Variants in CD70 observed in about 807,000 individuals in gnomAD.
CD70 encodes the protein CD70 molecule, also known as CD70 antigen.
Under a neutral mutation model 9.0 loss-of-function variants are expected in CD70, and 6 were observed. The ratio of observed to expected loss-of-function variants is 0.67; its 90% CI spans 0.37 to 1.32. CD70 has a LOEUF of 1.32. CD70 is among the 40% of genes most tolerant of loss of function. The probability of loss-of-function intolerance (pLI) is 0.02; values close to 1 mark genes in which losing one functional copy is unlikely to be tolerated. For synonymous variants in CD70, 108 were observed against 112.3 expected, an observed-to-expected ratio of 0.96 and a Z score of 0.24; for missense variants, 235 against 258.7, an observed-to-expected ratio of 0.91 and a Z score of 0.63.
chr19:6,587,195 A>G (rs1916042290), intron 2 of CD70, among the ~76,000 whole-genome samples: 1 of 136,138 alleles, frequency 7.3e-6, no homozygotes, highest in Non-Finnish European at 1.6e-5. Context: ...ATCATGAGGG[A>G]GAGAGAGCAT....
In CD70 at chr19:6,590,819, C is replaced by T. The variant is rs757627362; in HGVS notation, c.162+22G>A. On this transcript the variant is annotated intron_variant, in intron 1 of 2. Transcript: ENST00000245903. The surrounding 1 kb of genome is among the most constrained non-coding windows in gnomAD (Gnocchi z 5.3). ...CACGCGCCTCTCTATGTTTTCTTCC[C>T]AACTTTTCCATCTCAACTCACCCCA... 3.1e-6 allele frequency: 5 copies of T among 1,605,030 alleles called. No homozygotes were observed. The highest frequency in any genetic ancestry group is 4.3e-6 in the Non-Finnish European group (5 of 1,173,870).
chr19:6,586,248 C>G lies in CD70; in HGVS notation c.354G>C (p.Thr118=), dbSNP rs148252487. 3.1e-6 allele frequency: 5 copies of G among 1,613,888 alleles called. No individual in the cohort carries two copies. The African/African-American group carries it at 4.0e-5, about 13-fold the overall frequency. ...IQVTLAICSS[T]TASRHHPTTL... is the part of the protein sequence containing the mutation. ...TGGTGGGGTGGTGCCTGGAGGCCGT[C>G]GTGGAGGAGCAGATGGCCAGCGTCA... Residue 118 remains threonine, a synonymous_variant, in exon 3 of 3, where the codon ACG becomes ACC. Coordinates refer to ENST00000245903, the MANE Select transcript of CD70 (RefSeq NM_001252.5).
At chr19:6,583,997 C>T (rs567447158), downstream of CD70, among the ~76,000 whole-genome samples, 32 of 150,816 alleles carry the variant, frequency 2.1e-4, no homozygotes, top group Non-Finnish European at 2.8e-4. Context: ...TTTACCACGT[C>T]GGCCAGGCTG....
downstream of CD70, chr19:6,583,065 A>G (rs962243559): frequency 4.9e-5 from 18 of 366,224 alleles, no homozygotes; most frequent in Non-Finnish European, 8.4e-5. Context: ...CGGGTGGCGC[A>G]TGGGTCTCAT....
Position 6,590,167 on chromosome 19 carries a change from G to A in CD70, c.163-31C>T, listed in dbSNP as rs1568432475. On this transcript the variant is annotated intron_variant, in intron 1 of 2. Transcript: ENST00000245903. This position sits in a 1 kb window ranked among gnomAD's most constrained non-coding sequence, Gnocchi z 5.3. ...AGAAAAGACCAGAAAACAGGGCACG[G>A]ACGTAAGCAGAGAGGTTCTATGTGT... The A allele has an allele frequency of 6.2e-7, 1 of 1,605,708 alleles. No individual in the cohort carries two copies. The highest frequency in any genetic ancestry group is 2.2e-5 in the East Asian group (1 of 44,856).
Position 6,586,248 on chromosome 19 carries a change from C to T in CD70, c.354G>A (p.Thr118=), listed in dbSNP as rs148252487. 3.6e-5 allele frequency: 58 copies of T among 1,613,888 alleles called. No individual in the cohort carries two copies. In the Middle Eastern group the frequency reaches 8.3e-4, roughly 23 times the overall value. ...TGGTGGGGTGGTGCCTGGAGGCCGT[C>T]GTGGAGGAGCAGATGGCCAGCGTCA... ...IQVTLAICSS[T]TASRHHPTTL... The change falls in exon 3 of 3, where the codon ACG becomes ACA. Residue 118 remains threonine (T), a synonymous_variant. Transcript: ENST00000245903.
In CD70 at chr19:6,590,848, G is replaced by A. The variant is rs1334115062; in HGVS notation, c.155C>T (p.Ser52Leu). Residue 52 changes from serine to leucine, a missense_variant, in exon 1 of 3, where the codon TCA becomes TTA. Physicochemically the swap from Ser to Leu is moderately radical, Grantham distance 145. Coordinates refer to ENST00000245903, the MANE Select transcript of CD70 (RefSeq NM_001252.5). The surrounding 1 kb of genome is among the most constrained non-coding windows in gnomAD (Gnocchi z 5.3). ...AQAQQQLPLESLGWDVAELQL... is the reference protein window; with the variant it reads ...AQAQQQLPLELLGWDVAELQL... ...TTTTCCATCTCAACTCACCCCAAGT[G>A]ACTCGAGCGGCAGCTGCTGCTGAGC... 1 of 1,612,772 alleles carries A rather than the reference G, an allele frequency of 6.2e-7. No homozygotes were observed. Among genetic ancestry groups the A allele is most frequent in the Non-Finnish European group, 8.5e-7 (1 of 1,179,498 alleles).
chr19:6,584,745 G>A (rs1370543096), downstream of CD70, among the ~76,000 whole-genome samples: 4 of 151,354 alleles, frequency 2.6e-5, no homozygotes, highest in Non-Finnish European at 4.4e-5. Context: ...CTGTGCTGGC[G>A]GTCCTAGCTA....
At chr19:6,587,039 TGCGACAGAGAGCATGA>T (rs1916036579) in intron 2 of CD70, among the ~76,000 whole-genome samples, 1 of 114,186 alleles carries the variant, frequency 8.8e-6, no homozygotes, top group African/African-American at 3.5e-5. Context: ...CACGAGAGAG[TGCGACAGAGAGCATGA>T]GAGAGAGAGC....
chr19:6,585,755 A>G, downstream of CD70: 1 of 367,716 alleles, frequency 2.7e-6, no homozygotes. Flanking sequence ...GCTCACTGCA[A>G]CCTCCACCTC....
intron 2 of CD70, among the ~76,000 whole-genome samples, chr19:6,588,918 T>G (rs958160452): frequency 6.6e-6 from 1 of 152,200 alleles, no homozygotes; most frequent in African/African-American, 2.4e-5. Flanking sequence ...GCCTGCCCAC[T>G]GCAGATGTAT....
rs1311093787 is a variant in CD70 at position 6,585,908 on chromosome 19, AC to A, written c.*111del. On this transcript the variant is annotated 3_prime_UTR_variant, in exon 3 of 3. Transcript: ENST00000245903. ...TGCCTTCTCTTGTCCTGCCACCACT[AC>A]CCCCCACCACACTCCCACCCCAACC... 11 of 687,110 alleles carry A rather than the reference AC, an allele frequency of 1.6e-5. No homozygotes were observed. Among genetic ancestry groups the A allele is most frequent in the Admixed American group, 8.9e-5 (3 of 33,654 alleles). 42.6% of individuals were successfully genotyped at this position (687,110 alleles called of 1,614,324 possible). A position where few individuals can be genotyped will look rare whatever the true frequency, so the allele number is the denominator to read the frequency against.
chr19:6,584,641 G>T (rs1196830515), downstream of CD70, among the ~76,000 whole-genome samples: 1 of 146,352 alleles, frequency 6.8e-6, no homozygotes, highest in African/African-American at 2.5e-5. Context: ...GGGAAGATCG[G>T]CATTTCGGGA....
intron 2 of CD70, 41 bp from the exon 3 acceptor site, chr19:6,586,446 A>G (rs754416743): frequency 2.6e-6 from 4 of 1,546,218 alleles, no homozygotes; most frequent in Non-Finnish European, 3.5e-6. Context: ...ATGGAGGTTT[A>G]GGGAAACTGA....
Position 6,590,209 on chromosome 19 carries a change from T to C in CD70, c.163-73A>G. ...TCTATGTGTCCCCTGTGCCAGGAGC[T>C]CTCTTTTCTCTGTCCATCCTCCTTT... On this transcript the variant is annotated intron_variant, in intron 1 of 2. Transcript: ENST00000245903. This position sits in a 1 kb window ranked among gnomAD's most constrained non-coding sequence, Gnocchi z 5.3. The C allele has an allele frequency of 8.5e-7, 1 of 1,174,340 alleles. No individual in the cohort carries two copies. The highest frequency in any genetic ancestry group is 1.3e-6 in the Non-Finnish European group (1 of 778,330). The allele number at this position is 1,174,340 out of a possible 1,614,324, so 72.7% of individuals were successfully genotyped here.
At chr19:6,586,918 A>AC (rs1568431404) in intron 2 of CD70, among the ~76,000 whole-genome samples, 1 of 151,130 alleles carries the variant, frequency 6.6e-6, no homozygotes, top group Non-Finnish European at 1.5e-5. Context: ...AAAAAAAAAA[A>AC]AAAACAGAAA....
chr19:6,583,157 T>C (rs1192214097), downstream of CD70: 2 of 461,558 alleles, frequency 4.3e-6, no homozygotes, highest in African/African-American at 4.0e-5. Flanking sequence ...AGATGCGGGA[T>C]TATCTGGCTT....
chr19:6,583,489 A>G, downstream of CD70: 2 of 637,594 alleles, frequency 3.1e-6, no homozygotes, highest in East Asian at 2.8e-5. Context: ...CTGGAAATCA[A>G]GTTGTTTTGG....
chr19:6,588,926 T>G (rs2145323037), intron 2 of CD70, among the ~76,000 whole-genome samples: 1 of 152,322 alleles, frequency 6.6e-6, no homozygotes, highest in South Asian at 2.1e-4. Flanking sequence ...ACTGCAGATG[T>G]ATAATTAGTG....
Sources: gnomAD v4.1 joint callset for allele counts (sites outside exome capture counted in the v4.1 genomes callset) on GRCh38, gnomAD v4.1.1 for gene constraint, Gnocchi (gnomAD v3.1) non-coding constraint, MANE v1.5 for transcripts, NCBI Gene and HGNC (gene_info 2026-07-23, HGNC 2026-07-21) for gene names.